FRMD4B: variants seen among roughly 807,000 people sequenced by gnomAD.
The protein encoded by FRMD4B is FERM domain containing 4B.
Under a neutral mutation model 141.5 loss-of-function variants are expected in FRMD4B, and 74 were observed. That is an observed-to-expected ratio of 0.52 (90% CI 0.43 to 0.63). FRMD4B has a LOEUF of 0.63. FRMD4B is among the 30% of genes least tolerant of loss of function. FRMD4B has a pLI of 0.00. For missense variants in FRMD4B, 1,366 were observed against 1,253.4 expected (o/e 1.09, Z -1.36); for synonymous variants, 506 against 467.9 (o/e 1.08, Z -1.05).
At chr3:69,425,685 T>G (rs72939698) in intron 2 of FRMD4B, among the ~76,000 whole-genome samples, 1 of 152,234 alleles carries the variant, frequency 6.6e-6, no homozygotes, top group African/African-American at 2.4e-5. Context: ...CAATCCTCAC[T>G]GTGATGTTTT....
intron 5 of FRMD4B, among the ~76,000 whole-genome samples, chr3:69,271,006 G>A (rs2093592075): frequency 6.6e-6 from 1 of 152,150 alleles, no homozygotes; most frequent in Non-Finnish European, 1.5e-5. Context: ...CAGCTGAATG[G>A]ACCATCTGCC....
intron 3 of FRMD4B, among the ~76,000 whole-genome samples, chr3:69,308,282 G>A (rs752540773): frequency 1.4e-4 from 21 of 152,076 alleles, no homozygotes; most frequent in African/African-American, 2.7e-4. Flanking sequence ...TATGTCCAGC[G>A]TACAGATGAG....
chr3:69,429,322 A>G (rs1705138330), intron 2 of FRMD4B, among the ~76,000 whole-genome samples: 2 of 152,242 alleles, frequency 1.3e-5, no homozygotes, highest in Non-Finnish European at 2.9e-5. Context: ...GAATTTTGAT[A>G]AGTATTGCCA....
chr3:69,173,056 C>G (rs911984889), intron 22 of FRMD4B, among the ~76,000 whole-genome samples: 2 of 152,166 alleles, frequency 1.3e-5, no homozygotes, highest in African/African-American at 4.8e-5. Context: ...GCTGGCTACA[C>G]TTAGCAAAAG....
At chr3:69,183,474 A>ATTTTTT (rs771537044) in intron 19 of FRMD4B, among the ~76,000 whole-genome samples, 4 of 113,252 alleles carry the variant, frequency 3.5e-5, no homozygotes, top group African/African-American at 3.8e-5. Context: ...TTAGAAGTTA[A>ATTTTTT]TTTTTTTTTT....
chr3:69,243,942 A>T (rs758149095), intron 7 of FRMD4B, among the ~76,000 whole-genome samples: 1 of 152,124 alleles, frequency 6.6e-6, no homozygotes, highest in African/African-American at 2.4e-5. Flanking sequence ...GCTACTTGGG[A>T]GGCTGAGGTA....
intron 1 of FRMD4B, among the ~76,000 whole-genome samples, chr3:69,470,605 C>T (rs889914085): frequency 1.3e-5 from 2 of 152,068 alleles, no homozygotes; most frequent in African/African-American, 4.8e-5. Flanking sequence ...CTGGTAAGCT[C>T]CAATTGGTGG....
At chr3:69,300,728 GT>G (rs1316394267) in intron 4 of FRMD4B, among the ~76,000 whole-genome samples, 2 of 151,950 alleles carry the variant, frequency 1.3e-5, no homozygotes, top group Non-Finnish European at 2.9e-5. Flanking sequence ...CAACCTATTG[GT>G]TTTTTTTGTT....
chr3:69,342,262 G>A (rs1224229667), intron 1 of FRMD4B, among the ~76,000 whole-genome samples: 1 of 152,180 alleles, frequency 6.6e-6, no homozygotes, highest in Non-Finnish European at 1.5e-5. Context: ...AGTCTGCAAT[G>A]GACATACTGT....
intron 11 of FRMD4B, among the ~76,000 whole-genome samples, chr3:69,201,302 T>C (rs1485762796): frequency 6.6e-6 from 1 of 152,188 alleles, no homozygotes; most frequent in Non-Finnish European, 1.5e-5. Context: ...GTATAGAAAC[T>C]TGAATATCAT....
intron 1 of FRMD4B, chr3:69,536,481 C>T (rs1701086617): frequency 2.9e-6 from 2 of 699,808 alleles, no homozygotes; most frequent in Non-Finnish European, 2.6e-6. Context: ...CGGCCACCGC[C>T]AACGTGCCCT....
intron 5 of FRMD4B, among the ~76,000 whole-genome samples, chr3:69,272,236 G>A (rs1032455116): frequency 5.9e-5 from 9 of 152,008 alleles, no homozygotes; most frequent in African/African-American, 1.9e-4. Flanking sequence ...CTACCACCTG[G>A]GTTCAAGTGA....
chr3:69,196,238 T>C lies in FRMD4B; in HGVS notation c.1234+17A>G. ...AAATAAAGATGGCTTGCACGTTCTC[T>C]AATCCCAAGATGTTACCTGAGGAGA... On this transcript the variant is annotated intron_variant, in intron 14 of 22. Coordinates refer to ENST00000398540, the MANE Select transcript of FRMD4B (RefSeq NM_015123.3). 6.4e-7 allele frequency: 1 copy of C among 1,556,034 alleles called. No homozygotes were observed. Among genetic ancestry groups the C allele is most frequent in the Non-Finnish European group, 8.6e-7 (1 of 1,156,706 alleles).
At chr3:69,226,109 T>C (rs1575630560) in intron 7 of FRMD4B, among the ~76,000 whole-genome samples, 2 of 152,314 alleles carry the variant, frequency 1.3e-5, no homozygotes, top group East Asian at 3.9e-4. Context: ...CACTGAACCA[T>C]TCCTTGTTGC....
chr3:69,180,757 T>A, intron 21 of FRMD4B, 142 bp downstream of exon 21: 1 of 617,632 alleles, frequency 1.6e-6, no homozygotes, highest in Admixed American at 3.0e-5. Context: ...AAGTTGGAAA[T>A]TCTTATTGTG....
intron 11 of FRMD4B, among the ~76,000 whole-genome samples, chr3:69,207,570 G>T (rs2093035755): frequency 6.6e-6 from 1 of 152,138 alleles, no homozygotes; most frequent in Non-Finnish European, 1.5e-5. Context: ...AGCACTTTGG[G>T]AGGCCGAGGC....
In FRMD4B at chr3:69,386,080, G is replaced by C. The variant is rs1704246766; in HGVS notation, c.-91C>G. 3.4e-6 allele frequency: 4 copies of C among 1,186,216 alleles called. No homozygotes were observed. Among genetic ancestry groups the C allele is most frequent in the South Asian group, 3.7e-5 (2 of 54,320 alleles). The allele number at this position is 1,186,216 out of a possible 1,614,324, so 73.5% of individuals were successfully genotyped here. A position where few individuals can be genotyped will look rare whatever the true frequency, so the allele number is the denominator to read the frequency against. On this transcript the variant is annotated 5_prime_UTR_variant, in exon 1 of 23. Coordinates refer to ENST00000398540, the MANE Select transcript of FRMD4B (RefSeq NM_015123.3). Reference sequence around the variant, plus strand: ...CTGCCCGCCTGGGCTCCCGACGCCGGCTTCTGCTGGCAGCCGGGGGGTCAA... The same window carrying C: ...CTGCCCGCCTGGGCTCCCGACGCCGCCTTCTGCTGGCAGCCGGGGGGTCAA...
At position 69,467,859 on chromosome 3, in the gene FRMD4B, T is replaced by G. The variant is rs554643575; in HGVS notation, c.-128-35098A>C. Among the ~76,000 whole-genome samples the G allele has an allele frequency of 2.0e-5, 3 of 152,074 alleles. No individual in the cohort carries two copies. In the South Asian group the frequency reaches 6.2e-4, roughly 32 times the overall value. On this transcript the variant is annotated intron_variant, in intron 1 of 5. Coordinates refer to the FRMD4B transcript ENST00000459638. ...CTGCTGCAAATACTAAAAAGGAGGG[T>G]GCTCTTTCCTTTTGGACACTGAAGA...
chr3:69,495,051 A>T (rs551520715), intron 1 of FRMD4B, among the ~76,000 whole-genome samples: 6 of 152,274 alleles, frequency 3.9e-5, no homozygotes, highest in Non-Finnish European at 8.8e-5. Context: ...TGTGTTTAGC[A>T]TTCTAAAATT....
Sources: gnomAD v4.1 joint callset for allele counts (sites outside exome capture counted in the v4.1 genomes callset) on GRCh38, gnomAD v4.1.1 for gene constraint, MANE v1.5 for transcripts, NCBI Gene and HGNC (gene_info 2026-07-23, HGNC 2026-07-21) for gene names.